Variants in ERI1 observed in about 807,000 individuals in gnomAD.
ERI1 encodes exoribonuclease 1, also known as 3'-5' exoribonuclease 1.
A neutral mutation model predicts 39.7 loss-of-function variants in ERI1; 39 were observed. That is an observed-to-expected ratio of 0.98 (90% confidence interval 0.76 to 1.28). The LOEUF (loss-of-function observed/expected upper bound fraction) is 1.28, where lower values mean the gene tolerates loss of function less well. ERI1 is among the 50% of genes most tolerant of loss of function. The probability of loss-of-function intolerance (pLI) is 0.00; values close to 1 mark genes in which losing one functional copy is unlikely to be tolerated. For synonymous variants in ERI1, 204 were observed against 149.6 expected, an observed-to-expected ratio of 1.36 and a Z score of -2.65; for missense variants, 581 against 416.9, an observed-to-expected ratio of 1.39 and a Z score of -3.43.
At chr8:9,015,571 G>A (rs2915248) in intron 3 of ERI1, among the ~76,000 whole-genome samples, 131,042 of 151,764 alleles carry the variant, frequency 0.86, 56,852 homozygotes, top group Non-Finnish European at 0.91. Context: ...AAATACAAAA[G>A]ATCAGCCAGG....
rs1799875866 is a variant in ERI1, at chr8:9,096,311, G to T, written n.300-20037G>T. 2.6e-5 allele frequency among the ~76,000 whole-genome samples: 4 copies of T among 152,164 alleles called. No individual in the cohort carries two copies. In the South Asian group the frequency reaches 8.3e-4, roughly 31 times the overall value. On this transcript the variant is annotated intron_variant and non_coding_transcript_variant, in intron 3 of 3. Transcript: ENST00000518663. ...AAAGAGGTGCTGGATTACAAATCCA[G>T]CCCCGGCTCCCAGGATCTTGGAGGC...
chr8:9,003,369 C>G (rs1815585347), intron 1 of ERI1, among the ~76,000 whole-genome samples, 198 bp downstream of exon 1: 1 of 152,246 alleles, frequency 6.6e-6, no homozygotes, highest in Admixed American at 6.5e-5. Context: ...GAATCACTCT[C>G]TGGGAGGGAG....
intron 3 of ERI1, among the ~76,000 whole-genome samples, chr8:9,065,897 C>G (rs1798858887): frequency 6.6e-6 from 1 of 152,058 alleles, no homozygotes; most frequent in Non-Finnish European, 1.5e-5. Flanking sequence ...GAGTGTGTCA[C>G]CAGCAGGTGG....
chr8:9,042,894 A>G (rs1262018177), intron 3 of ERI1, among the ~76,000 whole-genome samples: 1 of 152,166 alleles, frequency 6.6e-6, no homozygotes, highest in Non-Finnish European at 1.5e-5. Context: ...CTACACGTGC[A>G]CCTGCTTCAG....
intron 1 of ERI1, chr8:9,004,223 T>C: frequency 7.9e-7 from 1 of 1,261,190 alleles, no homozygotes; most frequent in Non-Finnish European, 1.0e-6. Flanking sequence ...TACTTGCACA[T>C]CCCTTCTCTT....
At chr8:9,035,484 G>T (rs1479117184), downstream of ERI1, among the ~76,000 whole-genome samples, 14 of 152,248 alleles carry the variant, frequency 9.2e-5, no homozygotes, top group Admixed American at 7.2e-4. Flanking sequence ...GAACGGCAAA[G>T]CCTGAATGAC....
chr8:9,044,334 G>T (rs1407672736), intron 3 of ERI1, among the ~76,000 whole-genome samples: 2 of 152,150 alleles, frequency 1.3e-5, no homozygotes, highest in Non-Finnish European at 2.9e-5. Flanking sequence ...CTGGAATGGT[G>T]CTGAGATTGT....
At chr8:9,033,937 C>G (rs1473888936), downstream of ERI1, among the ~76,000 whole-genome samples, 1 of 152,172 alleles carries the variant, frequency 6.6e-6, no homozygotes, top group African/African-American at 2.4e-5. Context: ...GATGTTCATT[C>G]TTTGAATGAA....
chr8:9,061,448 A>T (rs1798693439), intron 3 of ERI1, among the ~76,000 whole-genome samples: 1 of 152,218 alleles, frequency 6.6e-6, no homozygotes, highest in Admixed American at 6.5e-5. Flanking sequence ...TTGGGAAGTT[A>T]TGAGAGGTGT....
At chr8:9,023,994 G>T (rs1317958566) in intron 6 of ERI1, among the ~76,000 whole-genome samples, 1 of 151,768 alleles carries the variant, frequency 6.6e-6, no homozygotes, top group Non-Finnish European at 1.5e-5. Flanking sequence ...TAGAGACGGG[G>T]TTTCACCATA....
intron 1 of ERI1, among the ~76,000 whole-genome samples, chr8:9,005,371 C>T (rs550021073): frequency 6.6e-6 from 1 of 152,038 alleles, no homozygotes; most frequent in Non-Finnish European, 1.5e-5. Flanking sequence ...CTTGCAACAA[C>T]AGATTGTGTT....
chr8:9,043,764 G>A (rs1160002043), intron 3 of ERI1, among the ~76,000 whole-genome samples: 1 of 152,118 alleles, frequency 6.6e-6, no homozygotes, highest in Non-Finnish European at 1.5e-5. Flanking sequence ...TCTTGCTCAG[G>A]CAGAACTTGA....
intron 3 of ERI1, among the ~76,000 whole-genome samples, chr8:9,059,733 G>T (rs1798629700): frequency 6.6e-6 from 1 of 152,156 alleles, no homozygotes; most frequent in South Asian, 2.1e-4. Flanking sequence ...AGTTAAGAGT[G>T]GCGGTTTGGG....
At chr8:9,068,261 G>T (rs562793419) in intron 3 of ERI1, among the ~76,000 whole-genome samples, 1 of 152,192 alleles carries the variant, frequency 6.6e-6, no homozygotes, top group African/African-American at 2.4e-5. Flanking sequence ...ACCTTCCCTC[G>T]CACCTCATGT....
intron 4 of ERI1, among the ~76,000 whole-genome samples, chr8:9,017,491 A>C (rs777835031): frequency 2.0e-5 from 3 of 152,190 alleles, no homozygotes; most frequent in Admixed American, 6.5e-5. Flanking sequence ...GTGTATATAG[A>C]CGTATGTCTG....
chr8:9,017,040 T>A (rs1416359954), intron 4 of ERI1, among the ~76,000 whole-genome samples: 1 of 151,964 alleles, frequency 6.6e-6, no homozygotes, highest in Non-Finnish European at 1.5e-5. Flanking sequence ...TGCATTTATT[T>A]TTTATTTTTA....
chr8:9,073,726 C>T (rs1325434731), intron 3 of ERI1, among the ~76,000 whole-genome samples: 2 of 152,062 alleles, frequency 1.3e-5, no homozygotes, highest in Non-Finnish European at 2.9e-5. Flanking sequence ...ATTAGAAAGC[C>T]TCTTATTTCT....
chr8:9,006,405 A>G (rs537168829), intron 1 of ERI1, among the ~76,000 whole-genome samples: 22 of 152,368 alleles, frequency 1.4e-4, no homozygotes, highest in Non-Finnish European at 1.2e-4. Context: ...GTTTAGGATG[A>G]GAATTAACCA....
At chr8:9,015,719 C>G (rs1421319303) in intron 3 of ERI1, among the ~76,000 whole-genome samples, 1 of 45,488 alleles carries the variant, frequency 2.2e-5, no homozygotes, top group South Asian at 4.3e-4. Context: ...GAGACTCTGT[C>G]TCCAAAAAAA....
Sources: gnomAD v4.1 joint callset for allele counts (sites outside exome capture counted in the v4.1 genomes callset) on GRCh38, gnomAD v4.1.1 for gene constraint, MANE v1.5 for transcripts, NCBI Gene and HGNC (gene_info 2026-07-23, HGNC 2026-07-21) for gene names.